MARCHF10: variants seen among roughly 807,000 people sequenced by gnomAD.
The protein encoded by MARCHF10 is probable E3 ubiquitin-protein ligase MARCHF10.
MARCHF10 carries 64 observed loss-of-function variants against 76.2 expected under a neutral mutation model. The ratio of observed to expected loss-of-function variants is 0.84; its 90% CI spans 0.69 to 1.03. MARCHF10 has a LOEUF of 1.03. Among genes scored for constraint, MARCHF10 ranks in the 50% least tolerant of loss-of-function variants. The pLI is 0.00. For missense variants in MARCHF10, 875 were observed against 958.0 expected (o/e 0.91, Z 1.14); for synonymous variants, 340 against 357.5 (o/e 0.95, Z 0.55).
chr17:62,714,948 A>G (rs919631638), intron 8 of MARCHF10, among the ~76,000 whole-genome samples: 8 of 152,082 alleles, frequency 5.3e-5, no homozygotes, highest in Non-Finnish European at 8.8e-5. Context: ...GTTTCACCAC[A>G]TTTGGCCAGG....
In MARCHF10 at chr17:62,738,429, A is replaced by G. The variant is rs2091378819; in HGVS notation, c.536-1097T>C. On this transcript the variant is annotated intron_variant, in intron 5 of 10. Transcript: ENST00000311269. This position sits in a 1 kb window ranked among gnomAD's most constrained non-coding sequence, Gnocchi z 4.0. ...TGACAGTACTTCTCTGATGCCACTT[A>G]CCTTTATTCCCTCCTGACATCGGCC... is the stretch of plus-strand genomic sequence containing the variant. Among the ~76,000 whole-genome samples the G allele has an allele frequency of 6.6e-6, 1 of 151,978 alleles. No individual in the cohort carries two copies. Among genetic ancestry groups the G allele is most frequent in the African/African-American group, 2.4e-5 (1 of 41,354 alleles).
At chr17:62,800,818 C>T (rs2093058863) in intron 2 of MARCHF10, among the ~76,000 whole-genome samples, 1 of 152,308 alleles carries the variant, frequency 6.6e-6, no homozygotes, top group African/African-American at 2.4e-5. Flanking sequence ...GTGACTGCAA[C>T]CTCAGGATTC....
At chr17:62,742,740 C>T (rs185253387) in intron 5 of MARCHF10, among the ~76,000 whole-genome samples, 42 of 151,338 alleles carry the variant, frequency 2.8e-4, no homozygotes, top group Admixed American at 4.0e-4. Context: ...ACTCCATTGC[C>T]CAGGTTGGAG....
chr17:62,757,247 G>A (rs1014305775), intron 4 of MARCHF10, among the ~76,000 whole-genome samples: 2 of 151,998 alleles, frequency 1.3e-5, no homozygotes, highest in South Asian at 2.1e-4. Flanking sequence ...CTTCAATTTC[G>A]TACAGAATCT....
At chr17:62,788,364 G>C (rs2092779659) in intron 3 of MARCHF10, 116 bp downstream of exon 3, 14 of 1,383,898 alleles carry the variant, frequency 1.0e-5, no homozygotes, top group African/African-American at 1.4e-5. Flanking sequence ...TGACCTTTGG[G>C]AATCTGCAAC....
intron 10 of MARCHF10, among the ~76,000 whole-genome samples, chr17:62,703,756 G>A (rs1255238220): frequency 6.6e-6 from 1 of 152,230 alleles, no homozygotes; most frequent in Non-Finnish European, 1.5e-5. Context: ...GAGCAGCAGG[G>A]AAGGGCGGCA....
intron 6 of MARCHF10, among the ~76,000 whole-genome samples, chr17:62,729,430 AAG>A (rs984679232): frequency 1.3e-5 from 2 of 149,448 alleles, no homozygotes; most frequent in African/African-American, 4.9e-5. Flanking sequence ...AAATTTTGAA[AAG>A]AGGGTAACAA....
At position 62,792,144 on chromosome 17, in the gene MARCHF10, G is replaced by A. The variant is rs568047104; in HGVS notation, c.91-3545C>T. Among the ~76,000 whole-genome samples, 56 of 151,584 alleles carry A rather than the reference G, an allele frequency of 3.7e-4. 1 individual carries two copies. The highest frequency in any genetic ancestry group is 1.3e-3 in the South Asian group (6 of 4,784). On this transcript the variant is annotated intron_variant, in intron 2 of 10. Transcript: ENST00000311269. The stretch of plus-strand genomic sequence containing the variant: ...TGTTGACCCCCCACCCCCCTAGTGC[G>A]TCCCCCTGACTACAGCATACGTAGT...
At chr17:62,770,899 A>G (rs1264284863) in intron 3 of MARCHF10, among the ~76,000 whole-genome samples, 1 of 116,100 alleles carries the variant, frequency 8.6e-6, no homozygotes, top group African/African-American at 3.4e-5. Context: ...TCTGTCTCCC[A>G]GGCTAGAATG....
At chr17:62,747,069 C>T in intron 4 of MARCHF10, 1 of 911,218 alleles carries the variant, frequency 1.1e-6, no homozygotes, top group Non-Finnish European at 1.7e-6. Flanking sequence ...TGTCTTTTCT[C>T]TCCAACTAGC....
intron 4 of MARCHF10, among the ~76,000 whole-genome samples, chr17:62,745,927 C>T (rs2091688583): frequency 6.6e-6 from 1 of 152,146 alleles, no homozygotes; most frequent in Non-Finnish European, 1.5e-5. Context: ...ATTTGTCTGG[C>T]TCATCTTCTT....
intron 1 of MARCHF10, among the ~76,000 whole-genome samples, chr17:62,807,527 T>C (rs1206715520): frequency 1.3e-5 from 2 of 151,832 alleles, no homozygotes; most frequent in African/African-American, 2.4e-5. Context: ...ACGTCACAGG[T>C]TTGACAAGCA....
intron 6 of MARCHF10, among the ~76,000 whole-genome samples, chr17:62,725,769 CA>C (rs1346759678): frequency 6.6e-6 from 1 of 152,218 alleles, no homozygotes; most frequent in African/African-American, 2.4e-5. Context: ...GATTCGTGGT[CA>C]GGGGGCCTGG....
intron 6 of MARCHF10, among the ~76,000 whole-genome samples, chr17:62,730,297 C>T (rs887416546): frequency 2.0e-5 from 3 of 151,918 alleles, no homozygotes; most frequent in Non-Finnish European, 4.4e-5. Flanking sequence ...AGTGAAAGTC[C>T]GAAAACAGAC....
At chr17:62,805,823 A>G (rs1367795931) in intron 1 of MARCHF10, among the ~76,000 whole-genome samples, 1 of 151,998 alleles carries the variant, frequency 6.6e-6, no homozygotes, top group Non-Finnish European at 1.5e-5. Context: ...GAGACAGAAG[A>G]ATCACTTGAA....
At chr17:62,717,034 G>C (rs1452521661) in intron 8 of MARCHF10, among the ~76,000 whole-genome samples, 3 of 152,234 alleles carry the variant, frequency 2.0e-5, no homozygotes, top group African/African-American at 2.4e-5. Flanking sequence ...TGTCCCCTCA[G>C]TGGGCTCACC....
chr17:62,733,658 T>C (rs775259885), intron 6 of MARCHF10, among the ~76,000 whole-genome samples: 13 of 152,200 alleles, frequency 8.5e-5, no homozygotes, highest in Non-Finnish European at 1.5e-4. Context: ...GCAGCGCCAT[T>C]TGCAGCAAAC....
intron 8 of MARCHF10, among the ~76,000 whole-genome samples, chr17:62,717,076 G>A (rs368890514): frequency 5.3e-5 from 8 of 152,380 alleles, no homozygotes; most frequent in South Asian, 2.1e-4. Flanking sequence ...TTTCAGTGAC[G>A]TTGTAGATAT....
At chr17:62,705,637 A>C in intron 9 of MARCHF10, 56 bp from the exon 10 acceptor site, 3 of 1,605,070 alleles carry the variant, frequency 1.9e-6, no homozygotes, top group Non-Finnish European at 2.6e-6. Context: ...GATTGTGAAC[A>C]GATGTATAAC....
Sources: gnomAD v4.1 joint callset for allele counts (sites outside exome capture counted in the v4.1 genomes callset) on GRCh38, gnomAD v4.1.1 for gene constraint, Gnocchi (gnomAD v3.1) non-coding constraint, MANE v1.5 for transcripts, NCBI Gene and HGNC (gene_info 2026-07-23, HGNC 2026-07-21) for gene names.